NACC2: variants seen among roughly 807,000 people sequenced by gnomAD.
NACC2 encodes the protein nucleus accumbens-associated protein 2.
In NACC2, 8 loss-of-function variants were observed where a neutral mutation model predicts 25.1. The observed-to-expected ratio is 0.32, with a 90% CI of 0.19 to 0.57. The LOEUF (loss-of-function observed/expected upper bound fraction) is 0.57. Among genes scored for constraint, NACC2 ranks in the 20% least tolerant of loss-of-function variants. NACC2 has a pLI of 0.89. For missense variants in NACC2, 644 were observed against 650.2 expected, an observed-to-expected ratio of 0.99 and a Z score of 0.10; for synonymous variants, 435 against 294.7, an observed-to-expected ratio of 1.48 and a Z score of -4.88.
At chr9:136,077,046 GGC>G (rs1830270282) in intron 1 of NACC2, among the ~76,000 whole-genome samples, 5 of 152,190 alleles carry the variant, frequency 3.3e-5, no homozygotes, top group Admixed American at 3.3e-4. Flanking sequence ...CGGGTGTGGT[GGC>G]GGGCGCCTGT....
intron 2 of NACC2, among the ~76,000 whole-genome samples, chr9:136,040,788 T>C (rs2131154101): frequency 6.6e-6 from 1 of 152,228 alleles, no homozygotes; most frequent in African/African-American, 2.4e-5. Flanking sequence ...GGTGAAACCC[T>C]GTCTCTACAA....
intron 2 of NACC2, among the ~76,000 whole-genome samples, chr9:136,047,248 C>T (rs1043190258): frequency 0.04 from 6,105 of 152,272 alleles, 440 homozygotes; most frequent in African/African-American, 0.14. Context: ...CACCCAGGGG[C>T]AGCTCCAGGT....
At position 136,050,048 on chromosome 9, in the gene NACC2, G is replaced by GGGGGCC. The variant is rs1840795552; in HGVS notation, c.468_473dup (p.Ala157_Pro158dup). 1.4e-6 allele frequency: 1 copy of GGGGGCC among 721,170 alleles called. No individual in the cohort carries two copies. The highest frequency in any genetic ancestry group is 2.5e-6 in the Non-Finnish European group (1 of 395,618). The allele number at this position is 721,170 out of a possible 1,614,324, so 44.7% of individuals were successfully genotyped here. A position where few individuals can be genotyped will look rare whatever the true frequency, so the allele number is the denominator to read the frequency against. Reference sequence around the variant, plus strand: ...TGGGCACCGAGGGGGACACGACGTAGGGGGCCGCGGCGGCGGCGGCCGGCT... The same window carrying GGGGGCC: ...TGGGCACCGAGGGGGACACGACGTAGGGGGCCGGGGCCGCGGCGGCGGCGGCCGGCT... On this transcript the variant is annotated inframe_insertion, in exon 2 of 6. Coordinates refer to ENST00000277554, the MANE Select transcript of NACC2 (RefSeq NM_144653.5).
intron 3 of NACC2, among the ~76,000 whole-genome samples, chr9:136,014,397 C>T (rs191930920): frequency 1.2e-4 from 18 of 152,260 alleles, no homozygotes; most frequent in African/African-American, 3.4e-4. Flanking sequence ...CTCGACCTCC[C>T]GGGCTCCAGT....
At position 136,043,463 on chromosome 9, in the gene NACC2, G is replaced by A. The variant is rs920329801; in HGVS notation, c.886+6173C>T. The stretch of plus-strand genomic sequence containing the variant: ...AACGTCAAGGCTGACAGAGAACCCC[G>A]GCTGCCGTAAGGCCGTGGGGCGCCT... On this transcript the variant is annotated intron_variant, in intron 2 of 5. Transcript: ENST00000277554. Among the ~76,000 whole-genome samples, 64 of 152,368 alleles carry A rather than the reference G, an allele frequency of 4.2e-4. 1 individual carries two copies. The highest frequency in any genetic ancestry group is 1.1e-3 in the African/African-American group (45 of 41,588).
intron 1 of NACC2, among the ~76,000 whole-genome samples, chr9:136,056,252 C>G (rs118189089): frequency 6.6e-6 from 1 of 152,190 alleles, no homozygotes; most frequent in South Asian, 2.1e-4. Flanking sequence ...CTGGGCTGCC[C>G]GGAGGCCTGG....
At chr9:136,047,009 C>A (rs1375012113) in intron 2 of NACC2, among the ~76,000 whole-genome samples, 3 of 152,152 alleles carry the variant, frequency 2.0e-5, no homozygotes, top group Non-Finnish European at 2.9e-5. Context: ...CCGGGACCCT[C>A]GGCAATCGCT....
In NACC2 at chr9:136,019,850, T is replaced by C. The variant is rs1416837713; in HGVS notation, c.887-3421A>G. 2.6e-5 allele frequency among the ~76,000 whole-genome samples: 4 copies of C among 151,970 alleles called. No homozygotes were observed. The highest frequency in any genetic ancestry group is 5.9e-5 in the Non-Finnish European group (4 of 67,984). ...CCCAGCCGGGCGACACCAGGGGAGC[T>C]TGCGAGAGGGCGGCTGAGCCTGGAG... On this transcript the variant is annotated intron_variant, in intron 2 of 5. Coordinates refer to ENST00000277554, the MANE Select transcript of NACC2 (RefSeq NM_144653.5). This position sits in a 1 kb window ranked among gnomAD's most constrained non-coding sequence, Gnocchi z 5.2.
At position 136,084,250 on chromosome 9, in the gene NACC2, C is replaced by A. The variant is rs1412966817; in HGVS notation, c.-60+10939G>T. Reference sequence around the variant, plus strand: ...CAGGTCAAAGACCTCCACACCCAGACCTGGTCCTGGGTAGCCAACCCCTCC... The same window carrying A: ...CAGGTCAAAGACCTCCACACCCAGAACTGGTCCTGGGTAGCCAACCCCTCC... On this transcript the variant is annotated intron_variant, in intron 1 of 5. Coordinates refer to ENST00000277554, the MANE Select transcript of NACC2 (RefSeq NM_144653.5). The surrounding 1 kb of genome is among the most constrained non-coding windows in gnomAD (Gnocchi z 5.1). Among the ~76,000 whole-genome samples the A allele has an allele frequency of 6.6e-6, 1 of 152,162 alleles. No individual in the cohort carries two copies.
chr9:136,023,384 T>G (rs1840327398), intron 2 of NACC2, among the ~76,000 whole-genome samples: 1 of 151,886 alleles, frequency 6.6e-6, no homozygotes, highest in Non-Finnish European at 1.5e-5. Flanking sequence ...GATCCCCGAG[T>G]GAGTGGGACC....
At chr9:136,080,517 T>C (rs757791455) in intron 1 of NACC2, among the ~76,000 whole-genome samples, 68 of 152,056 alleles carry the variant, frequency 4.5e-4, no homozygotes, top group Admixed American at 1.1e-3. Flanking sequence ...GGTTGTGTGC[T>C]GAGATCGTGC....
At chr9:136,085,893 C>G (rs1043210476) in intron 1 of NACC2, among the ~76,000 whole-genome samples, 29 of 152,234 alleles carry the variant, frequency 1.9e-4, no homozygotes, top group African/African-American at 6.0e-4. Flanking sequence ...GCCCAGAGGC[C>G]GGGCGCCGTG....
At chr9:136,033,487 T>C (rs1840502659) in intron 2 of NACC2, among the ~76,000 whole-genome samples, 1 of 151,380 alleles carries the variant, frequency 6.6e-6, no homozygotes, top group African/African-American at 2.4e-5. Flanking sequence ...AAACCTCTAC[T>C]AAAAATACAA....
intron 1 of NACC2, among the ~76,000 whole-genome samples, chr9:136,054,850 T>G (rs1840900640): frequency 6.6e-6 from 1 of 152,132 alleles, no homozygotes; most frequent in Admixed American, 6.5e-5. Context: ...TCCTCAGGGT[T>G]GTGGCACCAA....
At chr9:136,016,759 T>A (rs1413065646) in intron 2 of NACC2, among the ~76,000 whole-genome samples, 1 of 152,164 alleles carries the variant, frequency 6.6e-6, no homozygotes, top group South Asian at 2.1e-4. Flanking sequence ...GAGGGTGCTA[T>A]GCAGAGCCTG....
chr9:136,040,451 G>A (rs1247355538), intron 2 of NACC2, among the ~76,000 whole-genome samples: 1 of 152,014 alleles, frequency 6.6e-6, no homozygotes, highest in Non-Finnish European at 1.5e-5. Context: ...TAAAATAGGA[G>A]AACGGAGAAA....
Position 136,020,572 on chromosome 9 carries a change from T to C in NACC2, c.887-4143A>G, listed in dbSNP as rs1245879401. 6.6e-6 allele frequency among the ~76,000 whole-genome samples: 1 copy of C among 152,170 alleles called. No homozygotes were observed. Among genetic ancestry groups the C allele is most frequent in the Non-Finnish European group, 1.5e-5 (1 of 68,026 alleles). On this transcript the variant is annotated intron_variant, in intron 2 of 5. Coordinates refer to ENST00000277554, the MANE Select transcript of NACC2 (RefSeq NM_144653.5). The surrounding 1 kb of genome is among the most constrained non-coding windows in gnomAD (Gnocchi z 4.7). The stretch of plus-strand genomic sequence containing the variant: ...GTAGGAGGGAGACGGGGAGGCCTAC[T>C]CCCTAAAAGTGTATACCATTTGTTA...
intron 1 of NACC2, among the ~76,000 whole-genome samples, chr9:136,071,578 C>G (rs1588579754): frequency 6.7e-6 from 1 of 149,090 alleles, no homozygotes; most frequent in African/African-American, 2.5e-5. Context: ...ACCAGCAAGA[C>G]CTTTTGTAAA....
intron 2 of NACC2, among the ~76,000 whole-genome samples, chr9:136,046,369 C>T (rs1318530593): frequency 6.6e-6 from 1 of 152,216 alleles, no homozygotes; most frequent in Non-Finnish European, 1.5e-5. Context: ...TTTTCTTTCA[C>T]CCCTGGGTGC....
Sources: allele counts gnomAD v4.1 joint callset (sites outside exome capture counted in the v4.1 genomes callset), GRCh38; gene constraint gnomAD v4.1.1; non-coding constraint Gnocchi (gnomAD v3.1); transcripts MANE v1.5; gene names NCBI Gene and HGNC (gene_info 2026-07-23, HGNC 2026-07-21).